Variants in RYR3 observed in about 807,000 individuals in gnomAD.
The protein encoded by RYR3 is brain ryanodine receptor-calcium release channel.
A neutral mutation model predicts 584.3 loss-of-function variants in RYR3; 207 were observed. That is an observed-to-expected ratio of 0.35 (90% CI 0.32 to 0.40). The LOEUF (loss-of-function observed/expected upper bound fraction) is 0.40. RYR3 is among the 10% of genes least tolerant of loss of function. RYR3 has a pLI of 1.00. For missense variants in RYR3, 5,616 were observed against 6,089.2 expected, an observed-to-expected ratio of 0.92 and a Z score of 2.59; for synonymous variants, 2,416 against 2,248.5, an observed-to-expected ratio of 1.07 and a Z score of -2.11.
intron 24 of RYR3, 138 bp downstream of exon 24, chr15:33,633,246 A>G (rs2061350927): frequency 2.5e-6 from 2 of 792,848 alleles, no homozygotes; most frequent in African/African-American, 3.5e-5. Flanking sequence ...TGTGTTCATT[A>G]TTTATGGAAT....
chr15:33,404,216 T>C (rs1190228085), intron 1 of RYR3, among the ~76,000 whole-genome samples: 4 of 152,224 alleles, frequency 2.6e-5, no homozygotes, highest in African/African-American at 7.2e-5. Flanking sequence ...TTGATGACTA[T>C]AAATGATGAA....
chr15:33,401,482 C>T (rs2042662539), intron 1 of RYR3, among the ~76,000 whole-genome samples: 1 of 152,188 alleles, frequency 6.6e-6, no homozygotes, highest in African/African-American at 2.4e-5. Context: ...CAGCGCCTAT[C>T]ACTGCCAGCT....
At chr15:33,741,770 C>T (rs2070151196) in intron 51 of RYR3, among the ~76,000 whole-genome samples, 3 of 152,216 alleles carry the variant, frequency 2.0e-5, no homozygotes, top group South Asian at 2.1e-4. Context: ...CCAGCCACTA[C>T]GCCCGGCTAA....
intron 60 of RYR3, among the ~76,000 whole-genome samples, chr15:33,766,178 G>A (rs1161860919): frequency 6.6e-6 from 1 of 151,902 alleles, no homozygotes; most frequent in Non-Finnish European, 1.5e-5. Flanking sequence ...AGCTACTCTG[G>A]AGGCTGAGGC....
chr15:33,377,026 A>G (rs1452634964), intron 1 of RYR3, among the ~76,000 whole-genome samples: 5 of 152,306 alleles, frequency 3.3e-5, no homozygotes, highest in Admixed American at 3.3e-4. Context: ...ATCTGGTAGA[A>G]ACGATGTAAC....
At chr15:33,816,983 A>G (rs2076849313) in intron 75 of RYR3, 25 bp downstream of exon 75, 1 of 1,383,644 alleles carries the variant, frequency 7.2e-7, no homozygotes, top group Non-Finnish European at 1.0e-6. Context: ...CCCTGGGAGC[A>G]GATATGAGTG....
In RYR3 at chr15:33,334,744, C is replaced by T. The variant is rs112826221; in HGVS notation, c.51+23648C>T. Among the ~76,000 whole-genome samples the T allele has an allele frequency of 6.3e-3, 965 of 152,162 alleles. 10 individuals are homozygous for T. Among genetic ancestry groups the T allele is most frequent in the South Asian group, 0.014 (66 of 4,816 alleles). On this transcript the variant is annotated intron_variant, in intron 1 of 103. Transcript: ENST00000634891. ...ACTATCAACAGAGTAAACAGACAAC[C>T]TACAGAATGGGAGAAAATTTTTGCA...
At chr15:33,383,162 T>C (rs556225636) in intron 1 of RYR3, among the ~76,000 whole-genome samples, 1 of 151,086 alleles carries the variant, frequency 6.6e-6, no homozygotes, top group Admixed American at 6.6e-5. Context: ...GTGATGGGGG[T>C]AACAGTGAAG....
At chr15:33,347,533 G>A (rs1391170070) in intron 1 of RYR3, among the ~76,000 whole-genome samples, 23 of 150,872 alleles carry the variant, frequency 1.5e-4, no homozygotes, top group Admixed American at 1.3e-3. Context: ...TGCAAGCTCC[G>A]CCTCCCGGGG....
At chr15:33,615,344 C>T (rs1255323601) in intron 19 of RYR3, among the ~76,000 whole-genome samples, 1 of 152,106 alleles carries the variant, frequency 6.6e-6, no homozygotes, top group African/African-American at 2.4e-5. Flanking sequence ...ATTGGTAAAC[C>T]AAGATATGTT....
intron 43 of RYR3, among the ~76,000 whole-genome samples, chr15:33,719,152 T>C (rs954857969): frequency 1.3e-5 from 2 of 152,230 alleles, no homozygotes; most frequent in African/African-American, 4.8e-5. Context: ...ATGGTTGCAC[T>C]TCAGCTCCTT....
At chr15:33,363,376 G>A (rs1975037152) in intron 1 of RYR3, among the ~76,000 whole-genome samples, 1 of 152,112 alleles carries the variant, frequency 6.6e-6, no homozygotes, top group South Asian at 2.1e-4. Flanking sequence ...GGTTGATAAT[G>A]GCTTAAGAGC....
intron 1 of RYR3, among the ~76,000 whole-genome samples, chr15:33,338,154 C>T (rs763102665): frequency 9.2e-5 from 14 of 151,880 alleles, no homozygotes; most frequent in Non-Finnish European, 1.5e-4. Flanking sequence ...ACTGTGTTAG[C>T]CGGGATGATC....
chr15:33,857,573 C>T (rs1030873148), intron 98 of RYR3, among the ~76,000 whole-genome samples: 2 of 152,134 alleles, frequency 1.3e-5, no homozygotes, highest in Admixed American at 6.5e-5. Context: ...TCTTTTCTGC[C>T]AGGAAGCCCG....
intron 1 of RYR3, among the ~76,000 whole-genome samples, chr15:33,389,179 TAACA>T (rs200097062): frequency 0.04 from 6,039 of 151,858 alleles, 128 homozygotes; most frequent in East Asian, 0.093. Context: ...TATACATATG[TAACA>T]AACCTGCACG....
chr15:33,797,671 C>T (rs184717527), intron 67 of RYR3, among the ~76,000 whole-genome samples: 1 of 152,324 alleles, frequency 6.6e-6, no homozygotes. Flanking sequence ...CCTCTTCCTT[C>T]TCCCACCAAG....
chr15:33,853,045 A>T lies in RYR3; in HGVS notation c.13629A>T (p.Pro4543=), dbSNP rs762478512. 6 of 1,606,412 alleles carry T rather than the reference A, an allele frequency of 3.7e-6. No homozygotes were observed. Among genetic ancestry groups the T allele is most frequent in the Non-Finnish European group, 8.5e-7 (1 of 1,176,584 alleles). ...CAACCTTTTTCGTTTTGTTTTTCAG[A>T]TCTTTTCCTAATAACTACTGGGACA... ...GQWDRLVINT[P]SFPNNYWDKF... is the part of the protein sequence containing the mutation. Residue 4543 remains proline, a splice_region_variant and synonymous_variant, in exon 95 of 104, where the codon CCA becomes CCT. Transcript: ENST00000634891.
intron 16 of RYR3, among the ~76,000 whole-genome samples, chr15:33,601,178 C>A (rs1314653643): frequency 6.6e-6 from 1 of 152,122 alleles, no homozygotes; most frequent in Non-Finnish European, 1.5e-5. Context: ...AGGGAAGGGG[C>A]ATAAGACTAC....
intron 45 of RYR3, among the ~76,000 whole-genome samples, chr15:33,725,538 G>A (rs972012158): frequency 5.3e-5 from 8 of 152,136 alleles, no homozygotes; most frequent in African/African-American, 1.7e-4. Context: ...GGCTACTCAA[G>A]CCGGGATAAC....
Sources: gnomAD v4.1 joint callset for allele counts (sites outside exome capture counted in the v4.1 genomes callset) on GRCh38, gnomAD v4.1.1 for gene constraint, MANE v1.5 for transcripts, NCBI Gene and HGNC (gene_info 2026-07-23, HGNC 2026-07-21) for gene names.